SNX29: variants seen among roughly 807,000 people sequenced by gnomAD.
SNX29 encodes the protein sorting nexin-29.
A neutral mutation model predicts 102.1 loss-of-function variants in SNX29; 78 were observed. The observed-to-expected ratio is 0.76, with a 90% CI of 0.64 to 0.92. The LOEUF (loss-of-function observed/expected upper bound fraction) is 0.92. Among genes scored for constraint, SNX29 ranks in the 40% least tolerant of loss-of-function variants. SNX29 has a pLI of 0.00. For missense variants in SNX29, 1,280 were observed against 1,061.7 expected, an observed-to-expected ratio of 1.21 and a Z score of -2.86; for synonymous variants, 580 against 414.5, an observed-to-expected ratio of 1.40 and a Z score of -4.85.
At chr16:12,099,804 C>A (rs186020869) in intron 11 of SNX29, among the ~76,000 whole-genome samples, 98 of 152,272 alleles carry the variant, frequency 6.4e-4, no homozygotes, top group Non-Finnish European at 1.5e-5. Flanking sequence ...GCCCACCTCC[C>A]TCTGTGGTGC....
At chr16:12,134,533 C>T (rs1343087181) in intron 13 of SNX29, among the ~76,000 whole-genome samples, 1 of 152,206 alleles carries the variant, frequency 6.6e-6, no homozygotes, top group Non-Finnish European at 1.5e-5. Flanking sequence ...TGGGGCTGCT[C>T]CCAACACAGT....
intron 16 of SNX29, among the ~76,000 whole-genome samples, chr16:12,363,920 A>G (rs978469683): frequency 1.3e-5 from 2 of 152,192 alleles, no homozygotes; most frequent in African/African-American, 4.8e-5. Flanking sequence ...TGCCAACAGG[A>G]TGCTCAAATG....
intron 20 of SNX29, among the ~76,000 whole-genome samples, chr16:12,566,295 A>G (rs1189722169): frequency 2.0e-5 from 3 of 152,194 alleles, no homozygotes; most frequent in East Asian, 1.9e-4. Context: ...GGACAGAGAC[A>G]CGTGCCTCCA....
At chr16:12,123,472 C>T (rs1309448875) in intron 11 of SNX29, among the ~76,000 whole-genome samples, 19 of 152,152 alleles carry the variant, frequency 1.2e-4, no homozygotes, top group Admixed American at 1.2e-3. Flanking sequence ...CATACATATA[C>T]ATATACATCA....
At chr16:12,138,613 T>C (rs1216563707) in intron 13 of SNX29, among the ~76,000 whole-genome samples, 1 of 152,132 alleles carries the variant, frequency 6.6e-6, no homozygotes, top group African/African-American at 2.4e-5. Flanking sequence ...AAAACTTTGC[T>C]CTTAGGCTTA....
chr16:12,013,499 AAATAT>A (rs1488469770), intron 3 of SNX29, among the ~76,000 whole-genome samples: 20 of 68,996 alleles, frequency 2.9e-4, no homozygotes, highest in South Asian at 1.3e-3. Flanking sequence ...AAAAAAAAAA[AAATAT>A]ATATATATAT....
At chr16:12,522,026 A>G (rs1033932653) in intron 19 of SNX29, among the ~76,000 whole-genome samples, 2 of 152,052 alleles carry the variant, frequency 1.3e-5, no homozygotes. Flanking sequence ...GCTTTGGAGA[A>G]GAAGACTTTG....
chr16:12,070,925 G>T (rs566528627), intron 10 of SNX29, among the ~76,000 whole-genome samples: 1 of 152,152 alleles, frequency 6.6e-6, no homozygotes, highest in African/African-American at 2.4e-5. Flanking sequence ...GATGGCCAGC[G>T]ATGATGAGCA....
At chr16:12,472,759 T>G (rs892601206) in intron 18 of SNX29, among the ~76,000 whole-genome samples, 2 of 152,074 alleles carry the variant, frequency 1.3e-5, no homozygotes, top group African/African-American at 4.8e-5. Flanking sequence ...TTTTGCATTT[T>G]TTTCTCCCCT....
intron 15 of SNX29, among the ~76,000 whole-genome samples, chr16:12,289,071 G>A (rs2079703652): frequency 2.0e-5 from 3 of 152,176 alleles, no homozygotes; most frequent in South Asian, 2.1e-4. Context: ...GAACTAGAAC[G>A]ATGGAAGAGA....
chr16:12,245,975 CTT>C (rs2078249267), intron 14 of SNX29, among the ~76,000 whole-genome samples: 1 of 152,274 alleles, frequency 6.6e-6, no homozygotes, highest in Admixed American at 6.5e-5. Flanking sequence ...ATTAACAATG[CTT>C]AATGAGTAGG....
chr16:12,016,971 A>G lies in SNX29; in HGVS notation c.123-10349A>G, dbSNP rs546328306. Among the ~76,000 whole-genome samples, 16 of 152,056 alleles carry G rather than the reference A, an allele frequency of 1.1e-4. No homozygotes were observed. The South Asian group carries it at 3.3e-3, about 32-fold the overall frequency. On this transcript the variant is annotated intron_variant, in intron 3 of 20. Transcript: ENST00000566228. ...GTGAGACCCCTGTCTTTACAAAAAA[A>G]AAAATTAAAAAAATTAACTGACCGT...
chr16:12,199,509 T>C, intron 13 of SNX29, 92 bp from the exon 14 acceptor site: 2 of 1,026,796 alleles, frequency 1.9e-6, no homozygotes, highest in African/African-American at 1.6e-5. Flanking sequence ...TGCTTTTCTT[T>C]ACACAAATTC....
intron 14 of SNX29, among the ~76,000 whole-genome samples, chr16:12,222,197 A>C (rs2077496793): frequency 6.6e-6 from 1 of 152,174 alleles, no homozygotes; most frequent in Non-Finnish European, 1.5e-5. Context: ...TCACAGAGCA[A>C]ATTAGGAAAC....
intron 15 of SNX29, among the ~76,000 whole-genome samples, chr16:12,345,034 C>T (rs1302598397): frequency 6.6e-6 from 1 of 152,216 alleles, no homozygotes. Flanking sequence ...AGGAAAGAGG[C>T]CTCTGCCCCT....
chr16:12,023,828 G>T (rs1479029245), intron 3 of SNX29, among the ~76,000 whole-genome samples: 1 of 152,124 alleles, frequency 6.6e-6, no homozygotes, highest in African/African-American at 2.4e-5. Context: ...TGCTCTACTT[G>T]ATTCACTAGT....
intron 18 of SNX29, among the ~76,000 whole-genome samples, chr16:12,419,481 C>G (rs577091217): frequency 4.7e-4 from 71 of 152,124 alleles, no homozygotes; most frequent in African/African-American, 1.5e-3. Flanking sequence ...TGACAGGAAA[C>G]AGATGACATT....
chr16:12,555,349 G>A (rs948149174), intron 20 of SNX29, among the ~76,000 whole-genome samples: 3 of 151,934 alleles, frequency 2.0e-5, no homozygotes, highest in Non-Finnish European at 2.9e-5. Context: ...GAAACATGTT[G>A]GTTAACTTTT....
At chr16:12,230,830 ATG>A (rs2077746542) in intron 14 of SNX29, among the ~76,000 whole-genome samples, 2 of 98,786 alleles carry the variant, frequency 2.0e-5, no homozygotes, top group African/African-American at 1.1e-4. Flanking sequence ...GTATGTATGT[ATG>A]TATGTATGTA....
Sources: gnomAD v4.1 joint callset for allele counts (sites outside exome capture counted in the v4.1 genomes callset) on GRCh38, gnomAD v4.1.1 for gene constraint, MANE v1.5 for transcripts, NCBI Gene and HGNC (gene_info 2026-07-23, HGNC 2026-07-21) for gene names.